Variants in WDR27 observed in about 807,000 individuals in gnomAD.
The protein encoded by WDR27 is WD repeat domain 27.
WDR27 carries 100 observed loss-of-function variants against 114.4 expected under a neutral mutation model. The observed-to-expected ratio is 0.87, with a 90% CI of 0.74 to 1.03. The LOEUF is 1.03. Among genes scored for constraint, WDR27 ranks in the 50% least tolerant of loss-of-function variants. The pLI is 0.00. For synonymous variants in WDR27, 449 were observed against 423.1 expected (o/e 1.06, Z -0.75); for missense variants, 1,129 against 1,092.9 (o/e 1.03, Z -0.47).
chr6:169,475,784 C>G (rs1226210026), intron 25 of WDR27, among the ~76,000 whole-genome samples: 1 of 152,114 alleles, frequency 6.6e-6, no homozygotes, highest in African/African-American at 2.4e-5. Flanking sequence ...AGTTCTTGAG[C>G]CACTGCTCCA....
chr6:169,562,380 A>G (rs1386262019), intron 25 of WDR27, among the ~76,000 whole-genome samples: 1 of 152,246 alleles, frequency 6.6e-6, no homozygotes, highest in Non-Finnish European at 1.5e-5. Flanking sequence ...AAAACAGCAC[A>G]CTAATTTTAG....
In WDR27 at chr6:169,647,811, G is replaced by A. The variant is rs1362951362; in HGVS notation, c.1619C>T (p.Ala540Val). The A allele has an allele frequency of 1.3e-6, 2 of 1,584,860 alleles. No homozygotes were observed. Among genetic ancestry groups the A allele is most frequent in the Non-Finnish European group, 1.7e-6 (2 of 1,166,668 alleles). Reference sequence around the variant, plus strand: ...GCAGCATACACGTGTGCAGGTGGGGGCGGCAGCGACCTGGGGGCCGGGCTT... The same window carrying A: ...GCAGCATACACGTGTGCAGGTGGGGACGGCAGCGACCTGGGGGCCGGGCTT... ...PTKPGPQVAA[A>V]PTCTRVCCIQ... The change falls in exon 16 of 26, where the codon GCC (alanine) becomes GTC (valine). Residue 540 changes from alanine to valine, a missense_variant. Ala to Val is a moderately conservative substitution (Grantham distance 64, BLOSUM62 0). Transcript: ENST00000448612.
chr6:169,512,922 T>C (rs1793096398), intron 25 of WDR27, among the ~76,000 whole-genome samples: 1 of 152,204 alleles, frequency 6.6e-6, no homozygotes, highest in Non-Finnish European at 1.5e-5. Flanking sequence ...AAAACATGTA[T>C]GAGATCACCA....
chr6:169,645,023 T>TAAAATAAAAAAATAAAAAAA (rs1820198349), intron 16 of WDR27, among the ~76,000 whole-genome samples: 1 of 46,982 alleles, frequency 2.1e-5, no homozygotes, highest in African/African-American at 1.0e-4. Context: ...AAAAAAAAAA[T>TAAAATAAAAAAATAAAAAAA]AAAAAAAAAA....
chr6:169,471,116 G>C (rs1786319663), intron 25 of WDR27, among the ~76,000 whole-genome samples: 2 of 151,786 alleles, frequency 1.3e-5, no homozygotes, highest in South Asian at 4.2e-4. Flanking sequence ...ACAGAGTCTT[G>C]GTGCAGTTCT....
At chr6:169,442,798 C>T in the WDR27 span, among the ~76,000 whole-genome samples, 8 of 152,288 alleles carry the variant, frequency 5.3e-5, no homozygotes, top group East Asian at 1.9e-4. Flanking sequence ...CCTGTCCTGA[C>T]GGATGCAGGA....
In WDR27 at chr6:169,655,839, C is replaced by A. The variant is rs540556160; in HGVS notation, c.1402+2437G>T. On this transcript the variant is annotated intron_variant, in intron 13 of 25. Transcript: ENST00000448612. Reference sequence around the variant, plus strand: ...GGTTCAAGCGATTCTCCTGCCTCAGCCTCCTGAGTAGCTGGGACTACAGGC... The same window carrying A: ...GGTTCAAGCGATTCTCCTGCCTCAGACTCCTGAGTAGCTGGGACTACAGGC... 3.9e-5 allele frequency among the ~76,000 whole-genome samples: 6 copies of A among 152,326 alleles called. No homozygotes were observed. The East Asian group carries it at 1.2e-3, about 29-fold the overall frequency.
intron 25 of WDR27, among the ~76,000 whole-genome samples, chr6:169,475,355 G>A (rs1022062419): frequency 6.6e-6 from 1 of 151,962 alleles, no homozygotes; most frequent in African/African-American, 2.4e-5. Flanking sequence ...CCCAAGTAGT[G>A]GGGATTACAG....
the WDR27 span, among the ~76,000 whole-genome samples, chr6:169,437,907 T>C: frequency 1.3e-5 from 2 of 152,124 alleles, no homozygotes; most frequent in African/African-American, 4.8e-5. Context: ...TTTTTTATAA[T>C]TTAAACTTTT....
At chr6:169,554,021 T>C (rs1798540416) in intron 25 of WDR27, among the ~76,000 whole-genome samples, 1 of 152,360 alleles carries the variant, frequency 6.6e-6, no homozygotes, top group South Asian at 2.1e-4. Context: ...TTAAGTCACT[T>C]TTTTTAGTGT....
intron 25 of WDR27, among the ~76,000 whole-genome samples, chr6:169,510,499 G>A (rs918065615): frequency 6.6e-6 from 1 of 152,044 alleles, no homozygotes; most frequent in Non-Finnish European, 1.5e-5. Context: ...GATGAAGCTG[G>A]GAACCATCAT....
At chr6:169,596,942 A>G (rs148801146) in intron 23 of WDR27, among the ~76,000 whole-genome samples, 1,596 of 152,266 alleles carry the variant, frequency 0.01, 23 homozygotes, top group African/African-American at 0.037. Context: ...TTAGAGTTAT[A>G]TCATTTTTGA....
chr6:169,466,077 T>C (rs1312205827), intron 25 of WDR27, among the ~76,000 whole-genome samples: 1 of 152,218 alleles, frequency 6.6e-6, no homozygotes, highest in East Asian at 1.9e-4. Flanking sequence ...TATAACTTCT[T>C]ACTATTATTT....
At position 169,638,091 on chromosome 6, in the gene WDR27, T is replaced by C. The variant is rs1043753837; in HGVS notation, c.1869+448A>G. On this transcript the variant is annotated intron_variant, in intron 18 of 25. Transcript: ENST00000448612. ...CAGCACTTTGGGAGGCCGAGGCGGGTGGATCATGAGGTCAGGAGATCGAGA... is the reference window on the plus strand; with the variant it reads ...CAGCACTTTGGGAGGCCGAGGCGGGCGGATCATGAGGTCAGGAGATCGAGA... Among the ~76,000 whole-genome samples, 10 of 76,534 alleles carry C rather than the reference T, an allele frequency of 1.3e-4. 1 individual carries two copies. The highest frequency in any genetic ancestry group is 2.5e-4 in the Non-Finnish European group (10 of 40,088). 50.2% of individuals were successfully genotyped at this position (76,534 alleles called of 152,430 possible).
intron 25 of WDR27, among the ~76,000 whole-genome samples, chr6:169,475,541 T>G (rs1000056340): frequency 6.6e-6 from 1 of 152,206 alleles, no homozygotes; most frequent in Non-Finnish European, 1.5e-5. Context: ...TTACTTATAG[T>G]TTTACCTTTC....
chr6:169,635,702 G>A (rs546006726), intron 19 of WDR27, among the ~76,000 whole-genome samples: 69 of 152,330 alleles, frequency 4.5e-4, no homozygotes, highest in African/African-American at 1.5e-3. Context: ...CATTCCGAGC[G>A]CAGGGCACCT....
chr6:169,607,445 C>T (rs548777431), intron 22 of WDR27, among the ~76,000 whole-genome samples: 3 of 148,350 alleles, frequency 2.0e-5, no homozygotes, highest in Non-Finnish European at 4.5e-5. Flanking sequence ...TATTATTCAG[C>T]CATGAAAAAA....
chr6:169,655,692 C>T (rs892435101), intron 13 of WDR27, among the ~76,000 whole-genome samples: 1 of 152,164 alleles, frequency 6.6e-6, no homozygotes, highest in Non-Finnish European at 1.5e-5. Context: ...CCTGGCCTGA[C>T]AACTGAAGGG....
At chr6:169,666,465 G>A (rs909093425) in intron 6 of WDR27, 18 of 985,342 alleles carry the variant, frequency 1.8e-5, no homozygotes, top group Non-Finnish European at 2.2e-5. Context: ...CTTCTTCTGG[G>A]AAGACAGAAC....
Sources: allele counts gnomAD v4.1 joint callset (sites outside exome capture counted in the v4.1 genomes callset), GRCh38; gene constraint gnomAD v4.1.1; transcripts MANE v1.5; gene names NCBI Gene and HGNC (gene_info 2026-07-23, HGNC 2026-07-21).